LAMC3: variants seen among roughly 807,000 people sequenced by gnomAD.
LAMC3 encodes laminin subunit gamma 3.
A neutral mutation model predicts 173.8 loss-of-function variants in LAMC3; 128 were observed. That is an observed-to-expected ratio of 0.74 (90% CI 0.64 to 0.85). The LOEUF (loss-of-function observed/expected upper bound fraction) is 0.85. LAMC3 is among the 40% of genes least tolerant of loss of function. The probability of loss-of-function intolerance (pLI) is 0.00; values close to 1 mark genes in which losing one functional copy is unlikely to be tolerated. For synonymous variants in LAMC3, 897 were observed against 909.1 expected, an observed-to-expected ratio of 0.99 and a Z score of 0.24; for missense variants, 2,022 against 2,156.0, an observed-to-expected ratio of 0.94 and a Z score of 1.23.
Position 131,009,307 on chromosome 9 carries a change from C to T in LAMC3, c.93C>T (p.Arg31=), listed in dbSNP as rs1279551309. The change falls in exon 1 of 28, where the codon CGC becomes CGT. Residue 31 remains arginine, a synonymous_variant. Coordinates refer to ENST00000361069, the MANE Select transcript of LAMC3 (RefSeq NM_006059.4). This position sits in a 1 kb window ranked among gnomAD's most constrained non-coding sequence, Gnocchi z 4.3. ...GMGACYDGAG[R]PQRCLPVFEN... ...GCGCGTGCTATGACGGCGCAGGGCG[C>T]CCGCAGCGCTGCCTGCCGGTGTTCG... 2 of 1,446,334 alleles carry T rather than the reference C, an allele frequency of 1.4e-6. No individual in the cohort carries two copies. Among genetic ancestry groups the T allele is most frequent in the South Asian group, 1.4e-5 (1 of 73,410 alleles). The allele number at this position is 1,446,334 out of a possible 1,614,324, so 89.6% of individuals were successfully genotyped here.
At chr9:131,017,719 CAAAAAAAAAAAAA>C (rs34153382) in intron 1 of LAMC3, among the ~76,000 whole-genome samples, 3 of 35,064 alleles carry the variant, frequency 8.6e-5, no homozygotes, top group African/African-American at 2.4e-4. Flanking sequence ...AAGACTGTCT[CAAAAAAAAAAAAA>C]AAAAAAAAAA....
chr9:131,086,913 T>G (rs967701536), intron 25 of LAMC3, among the ~76,000 whole-genome samples: 10 of 150,154 alleles, frequency 6.7e-5, no homozygotes, highest in Non-Finnish European at 1.5e-4. Context: ...AAAAAAAGAT[T>G]GGGGTCTCAC....
At chr9:131,071,718 C>A in intron 18 of LAMC3, 93 bp downstream of exon 18, 1 of 1,334,170 alleles carries the variant, frequency 7.5e-7, no homozygotes, top group Non-Finnish European at 1.0e-6. Flanking sequence ...GGGGCCCTCC[C>A]AAAACAGCCC....
At chr9:131,037,037 T>C (rs967248794) in intron 4 of LAMC3, among the ~76,000 whole-genome samples, 3 of 152,222 alleles carry the variant, frequency 2.0e-5, no homozygotes, top group African/African-American at 4.8e-5. Context: ...CCCGCTGTCC[T>C]CTTGGGCCTG....
chr9:131,064,532 G>T (rs542996235), intron 13 of LAMC3, among the ~76,000 whole-genome samples: 1 of 151,648 alleles, frequency 6.6e-6, no homozygotes, highest in African/African-American at 2.4e-5. Flanking sequence ...GCGAGGTGGC[G>T]GGCGCCTGTA....
At chr9:131,018,310 A>G (rs1833564470) in intron 1 of LAMC3, among the ~76,000 whole-genome samples, 1 of 151,326 alleles carries the variant, frequency 6.6e-6, no homozygotes, top group South Asian at 2.1e-4. Context: ...AATTTTTTGT[A>G]TTTTAGTAGA....
At chr9:131,080,789 G>A (rs946523102) in intron 23 of LAMC3, among the ~76,000 whole-genome samples, 3 of 152,170 alleles carry the variant, frequency 2.0e-5, no homozygotes, top group African/African-American at 4.8e-5. Context: ...AGGCCCCAGC[G>A]TGTACAGATG....
intron 17 of LAMC3, 68 bp downstream of exon 17, chr9:131,069,918 C>A: frequency 6.8e-7 from 1 of 1,478,536 alleles, no homozygotes; most frequent in South Asian, 1.2e-5. Flanking sequence ...AGCTCTATGC[C>A]GGGCACCAGG....
chr9:131,061,257 A>C lies in LAMC3; in HGVS notation c.2347+34A>C, dbSNP rs755671961. On this transcript the variant is annotated intron_variant, in intron 13 of 27. Coordinates refer to ENST00000361069, the MANE Select transcript of LAMC3 (RefSeq NM_006059.4). ...CTCCTGCCCCGGAGCCCTGCCCCGC[A>C]GAGGGCCAAGCCCCGGCACTGTGAC... 53 of 1,562,484 alleles carry C rather than the reference A, an allele frequency of 3.4e-5. No individual in the cohort carries two copies. In the South Asian group the frequency reaches 5.7e-4, roughly 17 times the overall value.
Position 131,043,570 on chromosome 9 carries a change from C to T in LAMC3, c.1382+1835C>T, listed in dbSNP as rs1030878329. Among the ~76,000 whole-genome samples the T allele has an allele frequency of 3.9e-5, 6 of 152,296 alleles. No homozygotes were observed. The South Asian group carries it at 6.2e-4, about 16-fold the overall frequency. The stretch of plus-strand genomic sequence containing the variant: ...GAAACAATTTGAGCAACAAAATAAA[C>T]GATAGTATTGGATTATAACCCAGAG... On this transcript the variant is annotated intron_variant, in intron 7 of 27. Coordinates refer to ENST00000361069, the MANE Select transcript of LAMC3 (RefSeq NM_006059.4).
chr9:131,083,514 G>A (rs552175310), intron 24 of LAMC3, among the ~76,000 whole-genome samples: 15 of 151,376 alleles, frequency 9.9e-5, no homozygotes, highest in Admixed American at 2.0e-4. Flanking sequence ...CTATTGATAC[G>A]CTCTGCCAAG....
chr9:131,031,971 T>C lies in LAMC3; in HGVS notation c.679-74T>C, dbSNP rs1588142464. On this transcript the variant is annotated intron_variant, in intron 2 of 27. Transcript: ENST00000361069. ...AGCTCCCGGGGCAGCCAGCTGGATC[T>C]GCCAGCAGAGCGATGGGGGTAAATA... is the stretch of plus-strand genomic sequence containing the variant. The C allele has an allele frequency of 1.7e-5, 27 of 1,612,562 alleles. No homozygotes were observed. In the East Asian group the frequency reaches 6.0e-4, roughly 36 times the overall value.
intron 1 of LAMC3, among the ~76,000 whole-genome samples, chr9:131,013,525 G>C (rs886868356): frequency 6.6e-6 from 1 of 152,190 alleles, no homozygotes; most frequent in African/African-American, 2.4e-5. Flanking sequence ...ACTGGCCACA[G>C]GATGCAGCTG....
At chr9:131,041,956 ATCAT>A (rs1195754779) in intron 7 of LAMC3, among the ~76,000 whole-genome samples, 1 of 152,212 alleles carries the variant, frequency 6.6e-6, no homozygotes, top group Non-Finnish European at 1.5e-5. Flanking sequence ...AACACCACTG[ATCAT>A]TCATAAGCTG....
intron 21 of LAMC3, 122 bp downstream of exon 21, chr9:131,076,087 G>A (rs1830121394): frequency 9.6e-7 from 1 of 1,042,656 alleles, no homozygotes; most frequent in Admixed American, 2.7e-5. Flanking sequence ...TTTGTCGTTG[G>A]TGTCTTGGGT....
chr9:131,060,645 CTAATAA>C (rs10597678), intron 12 of LAMC3, among the ~76,000 whole-genome samples: 125,758 of 150,168 alleles, frequency 0.84, 53,193 homozygotes, highest in African/African-American at 0.93. Flanking sequence ...TCTGTCTCAA[CTAATAA>C]TAATAATAAT....
At position 131,071,634 on chromosome 9, in the gene LAMC3, G is replaced by A; in HGVS notation, c.3211+9G>A. 1 of 1,568,216 alleles carries A rather than the reference G, an allele frequency of 6.4e-7. No homozygotes were observed. The highest frequency in any genetic ancestry group is 8.7e-7 in the Non-Finnish European group (1 of 1,153,942). On this transcript the variant is annotated intron_variant, in intron 18 of 27. Coordinates refer to ENST00000361069, the MANE Select transcript of LAMC3 (RefSeq NM_006059.4). ...CCATCACCTGCTTCCAGGTACAGCA[G>A]GAGCGCAGAGCGGGAGGGTGGGAGG...
intron 3 of LAMC3, among the ~76,000 whole-genome samples, chr9:131,033,969 G>A (rs1424310162): frequency 6.6e-6 from 1 of 152,168 alleles, no homozygotes; most frequent in Non-Finnish European, 1.5e-5. Context: ...GAGCCCCTGT[G>A]GCCATGAGGA....
chr9:131,080,042 G>A (rs147547444), intron 23 of LAMC3, among the ~76,000 whole-genome samples: 125 of 152,226 alleles, frequency 8.2e-4, no homozygotes, highest in Admixed American at 2.2e-3. Context: ...ACACAATCTC[G>A]GTTCACTGCA....
Sources: allele counts gnomAD v4.1 joint callset (sites outside exome capture counted in the v4.1 genomes callset), GRCh38; gene constraint gnomAD v4.1.1; non-coding constraint Gnocchi (gnomAD v3.1); transcripts MANE v1.5; gene names NCBI Gene and HGNC (gene_info 2026-07-23, HGNC 2026-07-21).